Variants in MCF2L observed in about 807,000 individuals in gnomAD.
MCF2L encodes the protein MCF.2 cell line derived transforming sequence like, also known as guanine nucleotide exchange factor DBS.
MCF2L carries 97 observed loss-of-function variants against 153.4 expected under a neutral mutation model. That is an observed-to-expected ratio of 0.63 (90% CI 0.54 to 0.75). The LOEUF (loss-of-function observed/expected upper bound fraction) is 0.75, where lower values mean the gene tolerates loss of function less well. Ranked by LOEUF, MCF2L falls within the 30% of genes least tolerant of loss-of-function variation. The probability of loss-of-function intolerance (pLI) is 0.00; values close to 1 mark genes in which losing one functional copy is unlikely to be tolerated. For synonymous variants in MCF2L, 659 were observed against 632.2 expected (o/e 1.04, Z -0.64); for missense variants, 1,347 against 1,495.2 (o/e 0.90, Z 1.64).
chr13:113,041,225 C>T (rs1274945365), intron 3 of MCF2L, among the ~76,000 whole-genome samples: 2 of 152,282 alleles, frequency 1.3e-5, no homozygotes, highest in African/African-American at 4.8e-5. Flanking sequence ...CTGGGGACTG[C>T]TTCCTGCTGA....
At chr13:112,917,534 G>T (rs940234549) in intron 2 of MCF2L, 13 of 249,404 alleles carry the variant, frequency 5.2e-5, no homozygotes, top group South Asian at 3.9e-4. Context: ...GGTGAGTGCG[G>T]GCCCTTCTCT....
At position 113,070,886 on chromosome 13, in the gene MCF2L, A is replaced by G. The variant is rs2032847208; in HGVS notation, c.996+713A>G. Reference sequence around the variant, plus strand: ...TTTGAGTATTACAGATAAAGCTGTTACAAACATTGATATACTGATGTTGGT... The same window carrying G: ...TTTGAGTATTACAGATAAAGCTGTTGCAAACATTGATATACTGATGTTGGT... On this transcript the variant is annotated intron_variant, in intron 9 of 29. Transcript: ENST00000535094. The surrounding 1 kb of genome is among the most constrained non-coding windows in gnomAD (Gnocchi z 5.6). Among the ~76,000 whole-genome samples the G allele has an allele frequency of 6.6e-6, 1 of 152,248 alleles. No homozygotes were observed. The highest frequency in any genetic ancestry group is 2.4e-5 in the African/African-American group (1 of 41,466).
chr13:113,027,135 G>A lies in MCF2L; in HGVS notation c.278+2377G>A, dbSNP rs938373952. 5.1e-5 allele frequency: 36 copies of A among 702,488 alleles called. No individual in the cohort carries two copies. The highest frequency in any genetic ancestry group is 7.5e-5 in the South Asian group (5 of 66,660). The allele number at this position is 702,488 out of a possible 1,614,324, so 43.5% of individuals were successfully genotyped here. A position where few individuals can be genotyped will look rare whatever the true frequency, so the allele number is the denominator to read the frequency against. Reference sequence around the variant, plus strand: ...ACAGAGGAGATGTTTAACCATCAGCGTGAAAGTGCAGCCGTGGCCATTACC... The same window carrying A: ...ACAGAGGAGATGTTTAACCATCAGCATGAAAGTGCAGCCGTGGCCATTACC... On this transcript the variant is annotated intron_variant, in intron 3 of 29. Coordinates refer to ENST00000535094, the MANE Select transcript of MCF2L (RefSeq NM_001112732.3). This position sits in a 1 kb window ranked among gnomAD's most constrained non-coding sequence, Gnocchi z 4.8.
At chr13:113,061,855 C>T (rs1387825864) in intron 5 of MCF2L, among the ~76,000 whole-genome samples, 6 of 41,398 alleles carry the variant, frequency 1.4e-4, no homozygotes, top group African/African-American at 4.4e-4. Context: ...TCCTCCTCCC[C>T]TCCCCTCTTT....
chr13:113,056,271 T>C (rs1301653131), intron 4 of MCF2L, among the ~76,000 whole-genome samples: 1 of 150,606 alleles, frequency 6.6e-6, no homozygotes, highest in African/African-American at 2.4e-5. Context: ...GCTGAGTGTT[T>C]GGGTGCTGTG....
chr13:112,960,052 A>G lies in MCF2L; in HGVS notation c.170-54711A>G, dbSNP rs1473693309. Reference sequence around the variant, plus strand: ...GTCACCGAGGTCCCTCGGTAACTTCAGGGCAGAGGCCTTCTGTCCCGGACG... The same window carrying G: ...GTCACCGAGGTCCCTCGGTAACTTCGGGGCAGAGGCCTTCTGTCCCGGACG... On this transcript the variant is annotated intron_variant, in intron 2 of 29. Transcript: ENST00000375608. This position sits in a 1 kb window ranked among gnomAD's most constrained non-coding sequence, Gnocchi z 4.2. Among the ~76,000 whole-genome samples the G allele has an allele frequency of 1.3e-5, 2 of 152,228 alleles. No homozygotes were observed.
intron 26 of MCF2L, chr13:113,090,310 G>A (rs928874755): frequency 2.4e-5 from 30 of 1,227,446 alleles, no homozygotes; most frequent in East Asian, 5.2e-5. Flanking sequence ...GCTGTGTCTC[G>A]CGCACAGACA....
Position 112,941,525 on chromosome 13 carries a change from C to T in MCF2L, c.169+39154C>T, listed in dbSNP as rs1188454732. 2.0e-5 allele frequency among the ~76,000 whole-genome samples: 3 copies of T among 151,860 alleles called. No individual in the cohort carries two copies. Among genetic ancestry groups the T allele is most frequent in the South Asian group, 4.2e-4 (2 of 4,798 alleles). Reference sequence around the variant, plus strand: ...CTGAGTCAACACAGGTGTAGGCGGGCGCAGGTGTGGATGTCAGGTGATCGA... The same window carrying T: ...CTGAGTCAACACAGGTGTAGGCGGGTGCAGGTGTGGATGTCAGGTGATCGA... On this transcript the variant is annotated intron_variant, in intron 2 of 29. Coordinates refer to the MCF2L transcript ENST00000375608. This position sits in a 1 kb window ranked among gnomAD's most constrained non-coding sequence, Gnocchi z 4.9.
rs150884058 is a variant in MCF2L at position 113,045,166 on chromosome 13, C to T, written c.279-105C>T. ...TCACCTGGTATTGCAGAAATGGCAT[C>T]ATGAATATGGGGGATCGCTCTCCCA... On this transcript the variant is annotated intron_variant, in intron 3 of 29. Transcript: ENST00000535094. This position sits in a 1 kb window ranked among gnomAD's most constrained non-coding sequence, Gnocchi z 4.2. 1,106 of 1,058,802 alleles carry T rather than the reference C, an allele frequency of 1.0e-3. 7 individuals carry two copies. The African/African-American group carries it at 0.015, about 15-fold the overall frequency. 65.6% of individuals were successfully genotyped at this position (1,058,802 alleles called of 1,614,324 possible).
chr13:112,916,023 C>A (rs1452744209), intron 2 of MCF2L, among the ~76,000 whole-genome samples: 1 of 150,758 alleles, frequency 6.6e-6, no homozygotes, highest in Non-Finnish European at 1.5e-5. Flanking sequence ...ACGGTGAAAC[C>A]CCGTCTCTAC....
At chr13:112,936,409 C>CTT (rs2081515832) in intron 2 of MCF2L, among the ~76,000 whole-genome samples, 2 of 152,086 alleles carry the variant, frequency 1.3e-5, no homozygotes, top group Admixed American at 6.6e-5. Flanking sequence ...TTTGGTTCTG[C>CTT]AGCCCAGGAA....
At chr13:112,952,618 G>A (rs1566657576) in intron 2 of MCF2L, among the ~76,000 whole-genome samples, 1 of 152,290 alleles carries the variant, frequency 6.6e-6, no homozygotes, top group African/African-American at 2.4e-5. Flanking sequence ...GGCATATCTG[G>A]TGGGGAGAAT....
At chr13:113,001,636 CG>C in intron 1 of MCF2L, 1 of 1,270,606 alleles carries the variant, frequency 7.9e-7, no homozygotes, top group Non-Finnish European at 1.0e-6. Flanking sequence ...CCTCCCTGGC[CG>C]GGGCTCAGCT....
At chr13:112,974,743 A>G (rs955429174) in intron 1 of MCF2L, among the ~76,000 whole-genome samples, 2 of 152,186 alleles carry the variant, frequency 1.3e-5, no homozygotes, top group African/African-American at 2.4e-5. Flanking sequence ...AAGCATCACA[A>G]TCAGAAGTTC....
At chr13:112,970,463 G>T (rs2082001788) in intron 1 of MCF2L, among the ~76,000 whole-genome samples, 1 of 152,180 alleles carries the variant, frequency 6.6e-6, no homozygotes, top group Non-Finnish European at 1.5e-5. Flanking sequence ...TTGTATGTGG[G>T]TCGAAAGAAA....
At position 112,969,650 on chromosome 13, in the gene MCF2L, A is replaced by G. The variant is rs543328016; in HGVS notation, c.79+192A>G. ...TGTCGGCGATCGTATGCTGCCCGGG[A>G]TAGTCAAAATGACTGCACGTTGGTG... is the stretch of plus-strand genomic sequence containing the variant. On this transcript the variant is annotated intron_variant, in intron 1 of 29. Coordinates refer to ENST00000535094, the MANE Select transcript of MCF2L (RefSeq NM_001112732.3). This position sits in a 1 kb window ranked among gnomAD's most constrained non-coding sequence, Gnocchi z 4.8. The G allele has an allele frequency of 2.0e-3, 1,060 of 529,974 alleles. 3 individuals are homozygous for G. Among genetic ancestry groups the G allele is most frequent in the Non-Finnish European group, 2.4e-3 (1,005 of 413,678 alleles). 32.8% of individuals were successfully genotyped at this position (529,974 alleles called of 1,614,324 possible).
At chr13:112,929,111 C>T (rs1448599477) in intron 2 of MCF2L, among the ~76,000 whole-genome samples, 1 of 152,232 alleles carries the variant, frequency 6.6e-6, no homozygotes, top group Admixed American at 6.5e-5. Flanking sequence ...GAGTGGCACT[C>T]GGTGTTTCCA....
chr13:113,094,666 G>A, intron 27 of MCF2L, 31 bp downstream of exon 27: 1 of 1,598,216 alleles, frequency 6.3e-7, no homozygotes, highest in Non-Finnish European at 8.5e-7. Context: ...GGCACTTGGG[G>A]TGGGGGCTGC....
intron 1 of MCF2L, among the ~76,000 whole-genome samples, chr13:112,971,266 G>A (rs2082029916): frequency 6.6e-6 from 1 of 152,168 alleles, no homozygotes; most frequent in South Asian, 2.1e-4. Flanking sequence ...CCCCACCTCG[G>A]GTTTAAATTC....
Sources: gnomAD v4.1 joint callset for allele counts (sites outside exome capture counted in the v4.1 genomes callset) on GRCh38, gnomAD v4.1.1 for gene constraint, Gnocchi (gnomAD v3.1) non-coding constraint, MANE v1.5 for transcripts, NCBI Gene and HGNC (gene_info 2026-07-23, HGNC 2026-07-21) for gene names.